The following PRKG1 variants were observed in gnomAD, a reference collection of about 807,000 sequenced individuals.
PRKG1 encodes the protein cGMP-dependent protein kinase 1.
PRKG1 carries 35 observed loss-of-function variants against 88.1 expected under a neutral mutation model. That is an observed-to-expected ratio of 0.40 (90% CI 0.30 to 0.53). PRKG1 has a LOEUF of 0.53. Ranked by LOEUF, PRKG1 falls within the 20% of genes least tolerant of loss-of-function variation. PRKG1 has a pLI of 0.59. For missense variants in PRKG1, 540 were observed against 839.8 expected, an observed-to-expected ratio of 0.64 and a Z score of 4.41; for synonymous variants, 303 against 292.5, an observed-to-expected ratio of 1.04 and a Z score of -0.37.
At chr10:51,838,639 C>A (rs756693932) in intron 4 of PRKG1, among the ~76,000 whole-genome samples, 2 of 152,026 alleles carry the variant, frequency 1.3e-5, no homozygotes, top group Non-Finnish European at 1.5e-5. Flanking sequence ...TCCTTATCTT[C>A]TTTGTTCTTT....
intron 4 of PRKG1, among the ~76,000 whole-genome samples, chr10:51,876,001 C>T (rs1841290596): frequency 6.6e-6 from 1 of 151,256 alleles, no homozygotes; most frequent in South Asian, 2.1e-4. Context: ...ACACAGCACC[C>T]TTTACCTTTG....
At position 52,188,250 on chromosome 10, in the gene PRKG1, GTGTATATATATACATA is replaced by G. The variant is rs1839259390; in HGVS notation, c.1076+26305_1076+26320del. On this transcript the variant is annotated intron_variant, in intron 9 of 17. Coordinates refer to ENST00000373980, the MANE Select transcript of PRKG1 (RefSeq NM_006258.4). The stretch of plus-strand genomic sequence containing the variant: ...CATATGTATATATATACATATATAT[GTGTATATATATACATA>G]TGTATATATATACATATATATGTGT... Among the ~76,000 whole-genome samples, 2 of 46,818 alleles carry G rather than the reference GTGTATATATATACATA, an allele frequency of 4.3e-5. 1 individual carries two copies. The highest frequency in any genetic ancestry group is 1.5e-4 in the Non-Finnish European group (2 of 12,952). 30.7% of individuals were successfully genotyped at this position (46,818 alleles called of 152,430 possible).
intron 3 of PRKG1, among the ~76,000 whole-genome samples, chr10:51,663,532 C>G (rs1300246232): frequency 6.6e-6 from 1 of 150,988 alleles, no homozygotes; most frequent in African/African-American, 2.4e-5. Flanking sequence ...TAGCAAGACC[C>G]CATCTCTACA....
intron 1 of PRKG1, among the ~76,000 whole-genome samples, chr10:51,121,042 C>T (rs1202381131): frequency 6.6e-6 from 1 of 152,084 alleles, no homozygotes; most frequent in African/African-American, 2.4e-5. Context: ...GCTCTTGGCC[C>T]CATCCCATCT....
intron 8 of PRKG1, among the ~76,000 whole-genome samples, chr10:52,152,010 C>T (rs1269132547): frequency 6.6e-6 from 1 of 152,050 alleles, no homozygotes. Context: ...CGTATTTATA[C>T]CAATGTATTG....
At chr10:52,020,506 G>A (rs1845155822) in intron 5 of PRKG1, among the ~76,000 whole-genome samples, 1 of 152,150 alleles carries the variant, frequency 6.6e-6, no homozygotes, top group South Asian at 2.1e-4. Flanking sequence ...TTTCAGAGAA[G>A]GAGTGGAAGT....
At chr10:51,971,987 A>T (rs546085293) in intron 5 of PRKG1, among the ~76,000 whole-genome samples, 1 of 152,246 alleles carries the variant, frequency 6.6e-6, no homozygotes, top group Non-Finnish European at 1.5e-5. Flanking sequence ...TGTTAAATTA[A>T]ATTAAATGAA....
At chr10:51,078,761 C>T (rs932711230) in intron 1 of PRKG1, among the ~76,000 whole-genome samples, 12 of 151,768 alleles carry the variant, frequency 7.9e-5, no homozygotes, top group Non-Finnish European at 1.2e-4. Flanking sequence ...GGACTACAGG[C>T]GCCAGCCACC....
chr10:51,587,724 T>A (rs1311894643), intron 3 of PRKG1, among the ~76,000 whole-genome samples: 1 of 152,144 alleles, frequency 6.6e-6, no homozygotes, highest in Non-Finnish European at 1.5e-5. Flanking sequence ...TTGAAGTAAG[T>A]TGGCTTTGCT....
chr10:51,852,307 G>T (rs1403952585), intron 4 of PRKG1, among the ~76,000 whole-genome samples: 1 of 146,966 alleles, frequency 6.8e-6, no homozygotes, highest in East Asian at 2.0e-4. Flanking sequence ...TCTCCAACAG[G>T]TTGTGTGTGT....
intron 5 of PRKG1, among the ~76,000 whole-genome samples, chr10:51,979,419 T>TTTTTG (rs1843941573): frequency 2.2e-5 from 3 of 136,274 alleles, no homozygotes; most frequent in Non-Finnish European, 4.7e-5. Context: ...TGTTTTTTTT[T>TTTTTG]TTTTTTTTTT....
At chr10:52,244,833 TTA>T (rs1421612377) in intron 9 of PRKG1, among the ~76,000 whole-genome samples, 3 of 74,992 alleles carry the variant, frequency 4.0e-5, no homozygotes, top group Non-Finnish European at 3.1e-5. Context: ...TAAATATACT[TTA>T]ATATATATTT....
At chr10:51,165,970 T>C (rs1475612999) in intron 2 of PRKG1, among the ~76,000 whole-genome samples, 1 of 151,842 alleles carries the variant, frequency 6.6e-6, no homozygotes, top group Non-Finnish European at 1.5e-5. Flanking sequence ...CATTCACACA[T>C]ACTCACCAAA....
intron 3 of PRKG1, among the ~76,000 whole-genome samples, chr10:51,577,217 T>C (rs1251935242): frequency 6.6e-6 from 1 of 151,990 alleles, no homozygotes; most frequent in Non-Finnish European, 1.5e-5. Flanking sequence ...TAAAGCAATA[T>C]ATTCCAAATG....
chr10:51,676,624 A>G lies in PRKG1; in HGVS notation c.593-127961A>G, dbSNP rs543738941. ...AGTTGTACCTCCATTTCCCTGTATAACAAGTTATCTGTGAAAATAAAAGTC... is the reference window on the plus strand; with the variant it reads ...AGTTGTACCTCCATTTCCCTGTATAGCAAGTTATCTGTGAAAATAAAAGTC... On this transcript the variant is annotated intron_variant, in intron 3 of 17. Coordinates refer to ENST00000373980, the MANE Select transcript of PRKG1 (RefSeq NM_006258.4). 1.2e-3 allele frequency among the ~76,000 whole-genome samples: 188 copies of G among 152,296 alleles called. 2 individuals are homozygous for G. In the Middle Eastern group the frequency reaches 0.037, roughly 30 times the overall value.
intron 1 of PRKG1, among the ~76,000 whole-genome samples, chr10:51,119,704 A>G (rs1250234305): frequency 6.6e-6 from 1 of 152,080 alleles, no homozygotes; most frequent in Non-Finnish European, 1.5e-5. Flanking sequence ...TTACCACAAG[A>G]CAAATCTTTC....
intron 4 of PRKG1, among the ~76,000 whole-genome samples, chr10:51,856,994 A>G (rs1306074826): frequency 6.6e-6 from 1 of 151,080 alleles, no homozygotes; most frequent in Non-Finnish European, 1.5e-5. Context: ...AAAAAGAAAG[A>G]AAGTAAAAAG....
chr10:51,231,639 G>A (rs575306896), intron 2 of PRKG1, among the ~76,000 whole-genome samples: 1 of 151,990 alleles, frequency 6.6e-6, no homozygotes, highest in East Asian at 1.9e-4. Flanking sequence ...TGCACACTGA[G>A]TAGTTCCATT....
rs76401633 is a variant in PRKG1, at chr10:51,436,241, C to T, written c.479-31482C>T. ...TCCAAAGTAATTATTGCTCTGCTGT[C>T]GTTGATCAGTGGTACTATCTACCTG... On this transcript the variant is annotated intron_variant, in intron 2 of 17. Coordinates refer to ENST00000373980, the MANE Select transcript of PRKG1 (RefSeq NM_006258.4). Among the ~76,000 whole-genome samples the T allele has an allele frequency of 2.8e-3, 413 of 150,000 alleles. 2 individuals carry two copies. Among genetic ancestry groups the T allele is most frequent in the Non-Finnish European group, 4.7e-3 (319 of 67,700 alleles).
Sources: allele counts gnomAD v4.1 joint callset (sites outside exome capture counted in the v4.1 genomes callset), GRCh38; gene constraint gnomAD v4.1.1; transcripts MANE v1.5; gene names NCBI Gene and HGNC (gene_info 2026-07-23, HGNC 2026-07-21).